Variants in TTC6 observed in about 807,000 individuals in gnomAD.
TTC6 encodes tetratricopeptide repeat protein 6.
Under a neutral mutation model 210.4 loss-of-function variants are expected in TTC6, and 172 were observed. That is an observed-to-expected ratio of 0.82 (90% CI 0.72 to 0.93). The LOEUF (loss-of-function observed/expected upper bound fraction) is 0.93. Among genes scored for constraint, TTC6 ranks in the 40% least tolerant of loss-of-function variants. TTC6 has a pLI of 0.00. For synonymous variants in TTC6, 804 were observed against 819.6 expected, an observed-to-expected ratio of 0.98 and a Z score of 0.32; for missense variants, 2,414 against 2,318.1, an observed-to-expected ratio of 1.04 and a Z score of -0.85.
At chr14:37,841,349 C>G (rs1402634252) in intron 29 of TTC6, 96 bp from the exon 32 acceptor site, 5 of 1,004,502 alleles carry the variant, frequency 5.0e-6, no homozygotes, top group Admixed American at 2.9e-5. Context: ...TCTTGGTATG[C>G]CACTGGCCTT....
chr14:37,841,300 A>G (rs1006482262), intron 29 of TTC6, 145 bp from the exon 32 acceptor site: 58 of 682,020 alleles, frequency 8.5e-5, no homozygotes, highest in Non-Finnish European at 1.0e-4. Flanking sequence ...TCTGCAGACA[A>G]TGCACCTCTG....
intron 4 of TTC6, among the ~76,000 whole-genome samples, chr14:37,698,955 T>C (rs1465410870): frequency 1.3e-5 from 2 of 152,170 alleles, no homozygotes; most frequent in Admixed American, 6.5e-5. Context: ...ACCAAGATCC[T>C]GATCCAGGCC....
At chr14:37,812,239 A>G (rs1028595788) in intron 24 of TTC6, 75 bp from the exon 27 acceptor site, 4 of 1,482,354 alleles carry the variant, frequency 2.7e-6, no homozygotes, top group African/African-American at 1.4e-5. Flanking sequence ...TAGTTTGGAC[A>G]TAAATACGTT....
At chr14:37,717,757 AAAAG>A (rs531684744) in intron 6 of TTC6, among the ~76,000 whole-genome samples, 232 of 152,152 alleles carry the variant, frequency 1.5e-3, no homozygotes, top group Non-Finnish European at 2.3e-3. Flanking sequence ...AAAAAAACAA[AAAAG>A]AAAGAAAGAA....
intron 1 of TTC6, among the ~76,000 whole-genome samples, chr14:37,667,146 C>T (rs995394858): frequency 6.7e-6 from 1 of 150,058 alleles, no homozygotes; most frequent in Non-Finnish European, 1.5e-5. Flanking sequence ...TAAAATATCA[C>T]GGGCCCTAGG....
intron 1 of TTC6, among the ~76,000 whole-genome samples, chr14:37,671,560 C>T (rs1181659742): frequency 4.6e-5 from 7 of 152,028 alleles, no homozygotes; most frequent in Non-Finnish European, 7.4e-5. Flanking sequence ...ACATTTTGAA[C>T]GGTTTTACAA....
chr14:37,680,238 A>G (rs2095780197), exon 2 of TTC6: 1 of 1,533,440 alleles, frequency 6.5e-7, no homozygotes, highest in Admixed American at 2.0e-5. Context: ...TAAATTCCAG[A>G]TGGGTGCTGA....
chr14:37,721,824 T>C (rs1430026242), intron 6 of TTC6, among the ~76,000 whole-genome samples: 1 of 143,634 alleles, frequency 7.0e-6, no homozygotes, highest in Non-Finnish European at 1.5e-5. Flanking sequence ...TCTTGATTCA[T>C]GCTTTGGCAC....
chr14:37,673,270 T>C (rs939312974), intron 1 of TTC6, among the ~76,000 whole-genome samples: 1 of 152,138 alleles, frequency 6.6e-6, no homozygotes, highest in African/African-American at 2.4e-5. Context: ...ATCAGGGTTT[T>C]GCCTGCAGGA....
chr14:37,649,257 C>T (rs2139413212), intron 1 of TTC6, among the ~76,000 whole-genome samples: 1 of 152,296 alleles, frequency 6.6e-6, no homozygotes, highest in African/African-American at 2.4e-5. Context: ...TGCCTTGACA[C>T]TCCGTAGGGC....
At chr14:37,740,056 C>G (rs1049903564) in intron 10 of TTC6, among the ~76,000 whole-genome samples, 1 of 149,616 alleles carries the variant, frequency 6.7e-6, no homozygotes, top group African/African-American at 2.5e-5. Flanking sequence ...CCCAGCTGTT[C>G]GGGAGGCTGA....
At chr14:37,639,940 T>A (rs1161701499) in intron 1 of TTC6, among the ~76,000 whole-genome samples, 2 of 149,984 alleles carry the variant, frequency 1.3e-5, no homozygotes, top group African/African-American at 4.9e-5. Flanking sequence ...TCTATATATC[T>A]ATATATCTTC....
intron 14 of TTC6, among the ~76,000 whole-genome samples, chr14:37,770,752 T>C (rs1231873063): frequency 2.0e-5 from 3 of 148,194 alleles, no homozygotes; most frequent in African/African-American, 7.4e-5. Flanking sequence ...CTTGACTCTT[T>C]ATCCAATTTG....
chr14:37,766,928 T>A (rs1430378631), intron 14 of TTC6, among the ~76,000 whole-genome samples: 1 of 149,570 alleles, frequency 6.7e-6, no homozygotes, highest in Admixed American at 6.8e-5. Context: ...ATTAGGTATA[T>A]CTCCCAATGC....
intron 1 of TTC6, among the ~76,000 whole-genome samples, chr14:37,604,775 A>C (rs1168255932): frequency 6.6e-6 from 1 of 152,076 alleles, no homozygotes; most frequent in Non-Finnish European, 1.5e-5. Context: ...ATGAGAAAGC[A>C]AGACTCTTGA....
intron 10 of TTC6, among the ~76,000 whole-genome samples, chr14:37,741,048 A>G (rs1449220129): frequency 1.3e-5 from 2 of 152,160 alleles, no homozygotes; most frequent in East Asian, 1.9e-4. Context: ...TGAAATTTGT[A>G]TGTGCTGCCA....
intron 1 of TTC6, among the ~76,000 whole-genome samples, chr14:37,648,266 T>G (rs968408675): frequency 9.2e-5 from 14 of 152,318 alleles, no homozygotes; most frequent in African/African-American, 3.4e-4. Context: ...TCACTATAGC[T>G]TTATGATAGA....
chr14:37,830,221 A>G (rs2096181513), intron 29 of TTC6, among the ~76,000 whole-genome samples: 1 of 152,040 alleles, frequency 6.6e-6, no homozygotes, highest in Admixed American at 6.6e-5. Context: ...ATGATGCAAA[A>G]CGGATTTTCT....
chr14:37,612,885 G>C (rs1474583592), intron 2 of TTC6, among the ~76,000 whole-genome samples: 1 of 152,150 alleles, frequency 6.6e-6, no homozygotes, highest in African/African-American at 2.4e-5. Flanking sequence ...GATTTTTGTA[G>C]ATTCCTCAGG....
Sources: gnomAD v4.1 joint callset for allele counts (sites outside exome capture counted in the v4.1 genomes callset) on GRCh38, gnomAD v4.1.1 for gene constraint, MANE v1.5 for transcripts, NCBI Gene and HGNC (gene_info 2026-07-23, HGNC 2026-07-21) for gene names.